Variants in DMD observed in about 807,000 individuals in gnomAD.
DMD encodes dystrophin.
A neutral mutation model predicts 330.1 loss-of-function variants in DMD; 63 were observed. That is an observed-to-expected ratio of 0.19 (90% confidence interval 0.16 to 0.24). DMD has a LOEUF of 0.24. DMD is among the 10% of genes least tolerant of loss of function. The probability of loss-of-function intolerance (pLI) is 1.00; values close to 1 mark genes in which losing one functional copy is unlikely to be tolerated. For missense variants in DMD, 3,344 were observed against 2,684.1 expected, an observed-to-expected ratio of 1.25 and a Z score of -5.43; for synonymous variants, 1,223 against 959.8, an observed-to-expected ratio of 1.27 and a Z score of -5.07.
At chrX:31,860,206 A>G (rs1342789735) in intron 48 of DMD, among the ~76,000 whole-genome samples, 1 of 112,369 alleles carries the variant, frequency 8.9e-6, no homozygotes, top group East Asian at 2.8e-4. Context: ...TGCTAAGTAA[A>G]AACTAAAATT....
At chrX:32,575,662 G>A (rs758936906) in intron 13 of DMD, among the ~76,000 whole-genome samples, 8 of 111,914 alleles carry the variant, frequency 7.1e-5, no homozygotes, top group South Asian at 7.5e-4. Context: ...AAAATGGCAC[G>A]TAACAAAATG....
At chrX:32,749,239 T>C (rs1440426237) in intron 7 of DMD, among the ~76,000 whole-genome samples, 1 of 112,329 alleles carries the variant, frequency 8.9e-6, no homozygotes, top group African/African-American at 3.2e-5. Flanking sequence ...TCCAACATCT[T>C]GTCACTGACA....
intron 2 of DMD, among the ~76,000 whole-genome samples, chrX:32,882,094 C>T (rs755637676): frequency 1.8e-5 from 2 of 111,993 alleles, no homozygotes; most frequent in Non-Finnish European, 3.8e-5. Flanking sequence ...AGCTTCATCG[C>T]CCCTGCTGCA....
intron 44 of DMD, among the ~76,000 whole-genome samples, chrX:31,991,387 A>G (rs1191188083): frequency 9.0e-6 from 1 of 111,444 alleles, no homozygotes; most frequent in Non-Finnish European, 1.9e-5. Context: ...GAACTTGGAA[A>G]AAAAAGAGGT....
intron 61 of DMD, among the ~76,000 whole-genome samples, chrX:31,329,841 C>T (rs1180202774): frequency 8.4e-5 from 9 of 107,670 alleles, no homozygotes; most frequent in Non-Finnish European, 1.5e-4. Flanking sequence ...CGAGGTGGCG[C>T]GCACCTATAG....
chrX:32,964,864 T>C (rs973690147), intron 2 of DMD, among the ~76,000 whole-genome samples: 1 of 112,352 alleles, frequency 8.9e-6, no homozygotes, highest in African/African-American at 3.2e-5. Context: ...TCAAACGTTA[T>C]ATACCTTTTG....
chrX:31,535,825 G>T (rs190222097), intron 55 of DMD, among the ~76,000 whole-genome samples: 1 of 111,629 alleles, frequency 9.0e-6, no homozygotes, highest in Non-Finnish European at 1.9e-5. Flanking sequence ...GACAGACACT[G>T]TCCCAGTCTA....
chrX:31,449,200 C>A (rs1476436050), intron 59 of DMD, among the ~76,000 whole-genome samples: 2 of 111,067 alleles, frequency 1.8e-5, no homozygotes, highest in African/African-American at 6.6e-5. Context: ...GTCTGCAGTG[C>A]CTGGCATAGC....
chrX:33,105,443 T>G (rs980356500), intron 1 of DMD, among the ~76,000 whole-genome samples: 1 of 111,465 alleles, frequency 9.0e-6, no homozygotes, highest in Non-Finnish European at 1.9e-5. Flanking sequence ...CTAAGTAAAC[T>G]AAAAAGCTTC....
At chrX:32,107,342 G>A (rs2096568772) in intron 44 of DMD, among the ~76,000 whole-genome samples, 1 of 87,966 alleles carries the variant, frequency 1.1e-5, no homozygotes, top group Non-Finnish European at 2.1e-5. Context: ...AATTATATGT[G>A]TGTGTGTGTG....
intron 1 of DMD, among the ~76,000 whole-genome samples, chrX:33,228,165 T>A (rs2052323647): frequency 9.0e-6 from 1 of 111,018 alleles, no homozygotes; most frequent in Non-Finnish European, 1.9e-5. Context: ...TCCTTAAACA[T>A]TTTTAAAATA....
At chrX:31,442,508 T>C (rs763188053) in intron 60 of DMD, among the ~76,000 whole-genome samples, 1 of 108,961 alleles carries the variant, frequency 9.2e-6, no homozygotes, top group Non-Finnish European at 1.9e-5. Flanking sequence ...TAAATGCAAA[T>C]AAATAGTGCA....
chrX:32,562,505 C>T (rs980798942), intron 16 of DMD, among the ~76,000 whole-genome samples: 2 of 112,812 alleles, frequency 1.8e-5, no homozygotes, highest in African/African-American at 6.4e-5. Flanking sequence ...CACCCTGCCT[C>T]ACAATAGGTT....
intron 50 of DMD, among the ~76,000 whole-genome samples, chrX:31,802,335 C>A (rs1327254705): frequency 9.0e-6 from 1 of 110,882 alleles, no homozygotes; most frequent in East Asian, 2.8e-4. Context: ...TATTATTTAA[C>A]CCAATAACCT....
chrX:33,032,979 T>G (rs1323609684), intron 1 of DMD, among the ~76,000 whole-genome samples: 2 of 111,858 alleles, frequency 1.8e-5, no homozygotes, highest in African/African-American at 6.5e-5. Context: ...AACTTTGCAG[T>G]CAGTAAAAGA....
intron 30 of DMD, among the ~76,000 whole-genome samples, chrX:32,408,864 TCATC>T (rs2098129751): frequency 1.1e-5 from 1 of 87,642 alleles, no homozygotes; most frequent in Middle Eastern, 5.3e-3. Flanking sequence ...TTTCTTTCTT[TCATC>T]TATCTATCTA....
intron 44 of DMD, among the ~76,000 whole-genome samples, chrX:32,081,169 G>C (rs2096388847): frequency 8.9e-6 from 1 of 112,124 alleles, no homozygotes; most frequent in Admixed American, 9.5e-5. Flanking sequence ...TGGTTATGGT[G>C]AGACATATGA....
Position 32,401,397 on chromosome X carries a change from G to A in DMD, c.4233+10355C>T, listed in dbSNP as rs778335681. Among the ~76,000 whole-genome samples, 7 of 111,954 alleles carry A rather than the reference G, an allele frequency of 6.3e-5. No homozygotes were observed. In the South Asian group the frequency reaches 2.6e-3, roughly 41 times the overall value. ...ACTATTCAGCCATAAAAAGAATGAC[G>A]TCCTGTCATTTGCAATAACATGGAT... On this transcript the variant is annotated intron_variant, in intron 30 of 78. Coordinates refer to ENST00000357033, the MANE Select transcript of DMD (RefSeq NM_004006.3).
intron 44 of DMD, among the ~76,000 whole-genome samples, chrX:32,164,622 C>A (rs765946159): frequency 9.0e-6 from 1 of 111,688 alleles, no homozygotes; most frequent in East Asian, 2.8e-4. Context: ...AAAAGAAAAA[C>A]CCATTTTCTG....
Sources: gnomAD v4.1 joint callset for allele counts (sites outside exome capture counted in the v4.1 genomes callset) on GRCh38, gnomAD v4.1.1 for gene constraint, MANE v1.5 for transcripts, NCBI Gene and HGNC (gene_info 2026-07-23, HGNC 2026-07-21) for gene names.